Variants in RAB38 observed in about 807,000 individuals in gnomAD.
The protein encoded by RAB38 is RAB38, member RAS oncogene family.
A neutral mutation model predicts 18.4 loss-of-function variants in RAB38; 15 were observed. The observed-to-expected ratio is 0.82, with a 90% CI of 0.55 to 1.26. RAB38 has a LOEUF of 1.26. Ranked by LOEUF, RAB38 falls within the 50% of genes most tolerant of loss-of-function variation. The probability of loss-of-function intolerance (pLI) is 0.00; values close to 1 mark genes in which losing one functional copy is unlikely to be tolerated. For synonymous variants in RAB38, 101 were observed against 104.4 expected (o/e 0.97, Z 0.20); for missense variants, 294 against 267.4 (o/e 1.10, Z -0.69).
At chr11:88,079,633 A>G in the RAB38 span, among the ~76,000 whole-genome samples, 1 of 151,858 alleles carries the variant, frequency 6.6e-6, no homozygotes, top group Non-Finnish European at 1.5e-5. Flanking sequence ...ATGGAAATAG[A>G]TGCAATAATA....
At chr11:88,104,870 C>CA in the RAB38 span, among the ~76,000 whole-genome samples, 1 of 152,066 alleles carries the variant, frequency 6.6e-6, no homozygotes, top group Admixed American at 6.6e-5. Flanking sequence ...AGCTCAATAT[C>CA]ACTCTTCTCA....
chr11:88,097,881 A>C, the RAB38 span: 1 of 151,926 alleles, frequency 6.6e-6, no homozygotes, highest in African/African-American at 2.4e-5. Flanking sequence ...AAATGGATGG[A>C]TTTCAGAATT....
chr11:88,150,820 C>T (rs754294610), intron 1 of RAB38, among the ~76,000 whole-genome samples: 5 of 152,170 alleles, frequency 3.3e-5, no homozygotes, highest in Non-Finnish European at 5.9e-5. Context: ...TAGGCTTGTA[C>T]TCTCTCTTCC....
chr11:88,013,315 T>G, the RAB38 span, among the ~76,000 whole-genome samples: 1 of 152,184 alleles, frequency 6.6e-6, no homozygotes, highest in South Asian at 2.1e-4. Flanking sequence ...GAACATATTT[T>G]GTTTGTTTTA....
At chr11:87,972,581 C>A in the RAB38 span, among the ~76,000 whole-genome samples, 1 of 151,974 alleles carries the variant, frequency 6.6e-6, no homozygotes, top group African/African-American at 2.4e-5. Context: ...TAGACCCACA[C>A]CTACTGACCT....
chr11:88,104,160 C>T, the RAB38 span, among the ~76,000 whole-genome samples: 3 of 152,090 alleles, frequency 2.0e-5, no homozygotes, highest in Admixed American at 1.3e-4. Context: ...AGTTTTTTCC[C>T]TCTTTGGATG....
At chr11:88,008,919 G>T in the RAB38 span, among the ~76,000 whole-genome samples, 1 of 152,130 alleles carries the variant, frequency 6.6e-6, no homozygotes, top group African/African-American at 2.4e-5. Context: ...TGATCCGCCC[G>T]CCTCGGCCTC....
chr11:88,056,350 C>T, the RAB38 span, among the ~76,000 whole-genome samples: 1 of 152,124 alleles, frequency 6.6e-6, no homozygotes, highest in South Asian at 2.1e-4. Flanking sequence ...GCTGCTCTGG[C>T]AGGAGATGTA....
At chr11:87,838,406 G>A in the RAB38 span, among the ~76,000 whole-genome samples, 1 of 152,158 alleles carries the variant, frequency 6.6e-6, no homozygotes, top group South Asian at 2.1e-4. Flanking sequence ...GAGTCACTGT[G>A]CCTGGTCTAC....
At chr11:87,974,732 G>C in the RAB38 span, among the ~76,000 whole-genome samples, 2,443 of 150,376 alleles carry the variant, frequency 0.016, 69 homozygotes, top group East Asian at 0.13. Flanking sequence ...AAAGGGAAAT[G>C]ATACTTTATA....
At chr11:88,023,451 G>A in the RAB38 span, among the ~76,000 whole-genome samples, 2 of 151,462 alleles carry the variant, frequency 1.3e-5, no homozygotes, top group Non-Finnish European at 2.9e-5. Context: ...AAGAATCAAT[G>A]TTGTTAAACT....
At chr11:87,828,849 T>C in the RAB38 span, among the ~76,000 whole-genome samples, 1 of 152,242 alleles carries the variant, frequency 6.6e-6, no homozygotes, top group Non-Finnish European at 1.5e-5. Context: ...TAAATGCACA[T>C]ATTATTTTTT....
At chr11:88,173,041 C>T (rs1013473207) in intron 1 of RAB38, among the ~76,000 whole-genome samples, 1 of 152,222 alleles carries the variant, frequency 6.6e-6, no homozygotes, top group African/African-American at 2.4e-5. Context: ...CTACAGCCTC[C>T]ACTGCAACTT....
chr11:87,861,659 G>A, the RAB38 span, among the ~76,000 whole-genome samples: 35 of 151,756 alleles, frequency 2.3e-4, no homozygotes, highest in Non-Finnish European at 4.4e-4. Context: ...AGCAGAAAAG[G>A]ACCCAGGACA....
the RAB38 span, among the ~76,000 whole-genome samples, chr11:88,050,475 A>C: frequency 2.0e-5 from 3 of 152,224 alleles, no homozygotes; most frequent in African/African-American, 7.2e-5. Context: ...ACGTATGCCT[A>C]CTCATGCACT....
chr11:88,145,241 C>A (rs1040290743), intron 2 of RAB38, among the ~76,000 whole-genome samples: 2 of 151,958 alleles, frequency 1.3e-5, no homozygotes, highest in Non-Finnish European at 2.9e-5. Context: ...CCTCCGCCTC[C>A]CAGGTTCAAG....
the RAB38 span, among the ~76,000 whole-genome samples, chr11:87,843,865 C>T: frequency 1.3e-5 from 2 of 152,142 alleles, no homozygotes; most frequent in South Asian, 2.1e-4. Flanking sequence ...AATTCTCTGT[C>T]TTTTCTCTCG....
At position 88,113,439 on chromosome 11, in the gene RAB38, CAGTT is replaced by C. The variant is rs1469113672; in HGVS notation, c.*545_*548del. The C allele has an allele frequency of 6.5e-6, 1 of 153,774 alleles. No individual in the cohort carries two copies. The highest frequency in any genetic ancestry group is 2.4e-5 in the African/African-American group (1 of 41,428). 9.5% of individuals were successfully genotyped at this position (153,774 alleles called of 1,614,324 possible). On this transcript the variant is annotated 3_prime_UTR_variant, in exon 3 of 3. Transcript: ENST00000243662. ...CCAACATTCAGGCCATGGCAAGTGA[CAGTT>C]AGGACAAGGACAATATAGCACACCT...
At chr11:88,016,807 C>T in the RAB38 span, among the ~76,000 whole-genome samples, 1 of 152,110 alleles carries the variant, frequency 6.6e-6, no homozygotes, top group Non-Finnish European at 1.5e-5. Context: ...CTTAAGTCCC[C>T]TAACCCCTTT....
Sources: allele counts gnomAD v4.1 joint callset (sites outside exome capture counted in the v4.1 genomes callset), GRCh38; gene constraint gnomAD v4.1.1; transcripts MANE v1.5; gene names NCBI Gene and HGNC (gene_info 2026-07-23, HGNC 2026-07-21).